Variants in TYW1 observed in about 807,000 individuals in gnomAD.
TYW1 encodes tRNA-yW synthesizing protein 1 homolog.
Under a neutral mutation model 96.2 loss-of-function variants are expected in TYW1, and 46 were observed. The observed-to-expected ratio is 0.48, with a 90% CI of 0.38 to 0.61. The LOEUF is 0.61. TYW1 is among the 20% of genes least tolerant of loss of function. The pLI is 0.00. For missense variants in TYW1, 684 were observed against 909.6 expected, an observed-to-expected ratio of 0.75 and a Z score of 3.19; for synonymous variants, 274 against 323.0, an observed-to-expected ratio of 0.85 and a Z score of 1.63.
At chr7:67,092,837 C>T (rs1796770529) in intron 11 of TYW1, among the ~76,000 whole-genome samples, 1 of 151,738 alleles carries the variant, frequency 6.6e-6, no homozygotes, top group South Asian at 2.1e-4. Flanking sequence ...CACCTGCCAC[C>T]ATGCCCGGCT....
At chr7:67,205,795 C>CTTTT (rs35166102) in intron 15 of TYW1, among the ~76,000 whole-genome samples, 1 of 149,264 alleles carries the variant, frequency 6.7e-6, no homozygotes, top group Non-Finnish European at 1.5e-5. Context: ...ACTTGGGACT[C>CTTTT]TTTTTTTTTT....
At chr7:67,140,382 A>G (rs1252858209) in intron 13 of TYW1, among the ~76,000 whole-genome samples, 2 of 152,176 alleles carry the variant, frequency 1.3e-5, no homozygotes, top group African/African-American at 4.8e-5. Flanking sequence ...CTGAAAAAAA[A>G]AAAGACTTTT....
intron 10 of TYW1, among the ~76,000 whole-genome samples, chr7:67,077,324 T>C (rs1194420734): frequency 6.6e-6 from 1 of 152,244 alleles, no homozygotes; most frequent in African/African-American, 2.4e-5. Flanking sequence ...ATCTCCATAT[T>C]GTTTTCCATA....
intron 13 of TYW1, among the ~76,000 whole-genome samples, chr7:67,119,407 G>A (rs1797695681): frequency 6.6e-6 from 1 of 152,016 alleles, no homozygotes; most frequent in Non-Finnish European, 1.5e-5. Context: ...ACATTTCCTG[G>A]CTCATTTTTC....
At chr7:67,040,690 C>G (rs1180951850) in intron 7 of TYW1, among the ~76,000 whole-genome samples, 1 of 151,812 alleles carries the variant, frequency 6.6e-6, no homozygotes, top group Non-Finnish European at 1.5e-5. Context: ...ACGAAAAATA[C>G]AAAAATTAGC....
intron 13 of TYW1, among the ~76,000 whole-genome samples, chr7:67,138,376 G>A (rs1043737869): frequency 1.3e-5 from 2 of 151,934 alleles, no homozygotes; most frequent in East Asian, 1.9e-4. Flanking sequence ...TATTTATAAG[G>A]TACCTGAGAT....
At chr7:67,108,253 C>T (rs1416444323) in intron 12 of TYW1, among the ~76,000 whole-genome samples, 1 of 152,074 alleles carries the variant, frequency 6.6e-6, no homozygotes, top group African/African-American at 2.4e-5. Flanking sequence ...AAATTTTTAA[C>T]ACTGAATAAT....
At chr7:67,063,483 T>C (rs1795758655) in intron 9 of TYW1, among the ~76,000 whole-genome samples, 1 of 152,180 alleles carries the variant, frequency 6.6e-6, no homozygotes. Context: ...TAAAGCTGTC[T>C]TGTTTTGCAG....
intron 13 of TYW1, among the ~76,000 whole-genome samples, chr7:67,124,717 T>C (rs1224091922): frequency 1.3e-5 from 2 of 152,220 alleles, no homozygotes; most frequent in African/African-American, 4.8e-5. Context: ...TATAATAACA[T>C]TCAACATGGT....
intron 2 of TYW1, 147 bp from the exon 3 acceptor site, chr7:66,998,670 A>C (rs1793274780): frequency 1.1e-6 from 1 of 948,218 alleles, no homozygotes; most frequent in South Asian, 1.8e-5. Flanking sequence ...TATTTGAGGA[A>C]TACAACCAGA....
chr7:67,055,457 G>T (rs1795477437), intron 8 of TYW1, among the ~76,000 whole-genome samples: 1 of 152,050 alleles, frequency 6.6e-6, no homozygotes, highest in Admixed American at 6.6e-5. Context: ...AAATCAGCCT[G>T]GCAGGGTGAA....
At chr7:67,147,148 C>A (rs1798633320) in intron 13 of TYW1, among the ~76,000 whole-genome samples, 1 of 152,082 alleles carries the variant, frequency 6.6e-6, no homozygotes. Flanking sequence ...CAGATTCAAC[C>A]AACCACAGAT....
intron 9 of TYW1, among the ~76,000 whole-genome samples, chr7:67,066,030 CACCCACA>C (rs1562993718): frequency 1.2e-4 from 10 of 83,222 alleles, no homozygotes; most frequent in Admixed American, 1.4e-4. Flanking sequence ...CACACACACA[CACCCACA>C]CCCCTATACA....
chr7:67,042,839 A>G (rs1795074968), intron 7 of TYW1, among the ~76,000 whole-genome samples: 2 of 152,158 alleles, frequency 1.3e-5, no homozygotes, highest in South Asian at 4.1e-4. Context: ...TCTACTAAAA[A>G]TACAAAAGTT....
At chr7:67,229,901 A>G (rs1801693236) in intron 15 of TYW1, among the ~76,000 whole-genome samples, 1 of 152,204 alleles carries the variant, frequency 6.6e-6, no homozygotes. Flanking sequence ...TCAGTGAGCT[A>G]TGATTGCACC....
intron 7 of TYW1, among the ~76,000 whole-genome samples, chr7:67,038,560 C>G (rs573965940): frequency 6.7e-6 from 1 of 150,172 alleles, no homozygotes; most frequent in African/African-American, 2.5e-5. Flanking sequence ...GAGCTATGAT[C>G]GCACCACTGC....
intron 12 of TYW1, among the ~76,000 whole-genome samples, chr7:67,099,375 G>A (rs35552966): frequency 6.6e-6 from 1 of 152,108 alleles, no homozygotes; most frequent in Non-Finnish European, 1.5e-5. Flanking sequence ...GAGAAGGTTG[G>A]AAACTATATT....
intron 3 of TYW1, among the ~76,000 whole-genome samples, chr7:67,004,224 G>A (rs1192129773): frequency 6.6e-6 from 1 of 152,108 alleles, no homozygotes; most frequent in African/African-American, 2.4e-5. Flanking sequence ...ATTGATTTCT[G>A]CTATAATTTG....
At chr7:67,148,499 C>T (rs1202306977) in intron 13 of TYW1, among the ~76,000 whole-genome samples, 1 of 145,620 alleles carries the variant, frequency 6.9e-6, no homozygotes, top group Non-Finnish European at 1.5e-5. Context: ...GATCTCGGCT[C>T]ACTGCAAGCT....
Sources: gnomAD v4.1 joint callset for allele counts (sites outside exome capture counted in the v4.1 genomes callset) on GRCh38, gnomAD v4.1.1 for gene constraint, MANE v1.5 for transcripts, NCBI Gene and HGNC (gene_info 2026-07-23, HGNC 2026-07-21) for gene names.